FAM83H: variants seen among roughly 807,000 people sequenced by gnomAD.
FAM83H encodes the protein protein FAM83H.
In FAM83H, 24 loss-of-function variants were observed where a neutral mutation model predicts 30.2. The observed-to-expected ratio is 0.79, with a 90% confidence interval of 0.57 to 1.12. The LOEUF is 1.12. FAM83H is among the 50% of genes most tolerant of loss of function. FAM83H has a pLI of 0.00. For missense variants in FAM83H, 2,038 were observed against 1,773.9 expected (o/e 1.15, Z -2.67); for synonymous variants, 1,013 against 821.7 (o/e 1.23, Z -3.98).
Position 143,726,572 on chromosome 8 carries a change from G to T in FAM83H, c.2889C>A (p.Arg963=), listed in dbSNP as rs200670420. The T allele has an allele frequency of 1.8e-5, 29 of 1,603,350 alleles. 1 individual carries two copies. In the Middle Eastern group the frequency reaches 4.9e-4, roughly 27 times the overall value. ...EGPSGPMEVL[R]KGSLRLRQLL... The stretch of plus-strand genomic sequence containing the variant: ...GCTGCCTAAGACGCAAGGAGCCTTT[G>T]CGCAGGACTTCCATGGGGCCGCTCG... Residue 963 remains arginine (R), a synonymous_variant, in exon 5 of 5, where the codon CGC becomes CGA. Coordinates refer to ENST00000388913, the MANE Select transcript of FAM83H (RefSeq NM_198488.5).
At position 143,725,156 on chromosome 8, in the gene FAM83H, C is replaced by CGGGGGGGGGG. The variant is rs549881150; in HGVS notation, c.*755_*764dup. On this transcript the variant is annotated 3_prime_UTR_variant, in exon 5 of 5. Coordinates refer to ENST00000388913, the MANE Select transcript of FAM83H (RefSeq NM_198488.5). ...AAGCCCAGGCGGGGGAGGGGGGAGACGGGGGGGGGGGGGGGGGAGGGAAGG... is the reference window on the plus strand; with the variant it reads ...AAGCCCAGGCGGGGGAGGGGGGAGACGGGGGGGGGGGGGGGGGGGGGGGGGGGAGGGAAGG... 5.3e-4 allele frequency: 20 copies of CGGGGGGGGGG among 37,472 alleles called. No homozygotes were observed. The highest frequency in any genetic ancestry group is 2.9e-3 in the South Asian group (3 of 1,046). 2.3% of individuals were successfully genotyped at this position (37,472 alleles called of 1,614,324 possible).
rs1427828437 is a variant in FAM83H at position 143,727,318 on chromosome 8, C to A, written c.2143G>T (p.Val715Phe). The change falls in exon 5 of 5, where the codon GTC becomes TTC. Residue 715 changes from valine (V) to phenylalanine (F), a missense_variant. Coordinates refer to ENST00000388913, the MANE Select transcript of FAM83H (RefSeq NM_198488.5). ...CCGCCGGGCCCCAGCGTCTCGCTGA[C>A]CGTCTGCTCCTTGTGCAGCAGCTGC... ...KVQLLHKEQTVSETLGPGGEA... is the reference protein window; with the variant it reads ...KVQLLHKEQTFSETLGPGGEA... 3.9e-6 allele frequency: 6 copies of A among 1,551,120 alleles called. No homozygotes were observed. The Admixed American group carries it at 7.6e-5, about 20-fold the overall frequency.
Position 143,726,697 on chromosome 8 carries a change from G to A in FAM83H, c.2764C>T (p.Arg922Cys), listed in dbSNP as rs782361452. 3.7e-6 allele frequency: 6 copies of A among 1,602,904 alleles called. No homozygotes were observed. Among genetic ancestry groups the A allele is most frequent in the Non-Finnish European group, 5.1e-6 (6 of 1,177,352 alleles). Residue 922 changes from arginine to cysteine, a missense_variant, in exon 5 of 5, where the codon CGC becomes TGC. Physicochemically the swap from Arg to Cys is radical, Grantham distance 180. Coordinates refer to ENST00000388913, the MANE Select transcript of FAM83H (RefSeq NM_198488.5). ...ACGGGGGGCACCGGACTGCTCCTGC[G>A]CTCCGGCACGGGGGGCACCGGACTA... ...RGSPVPPVPE[R>C]RSSPVPPVPE...
In FAM83H at chr8:143,726,482, G is replaced by T; in HGVS notation, c.2979C>A (p.Asn993Lys). 1.2e-6 allele frequency: 2 copies of T among 1,604,518 alleles called. No individual in the cohort carries two copies. The highest frequency in any genetic ancestry group is 1.7e-6 in the Non-Finnish European group (2 of 1,178,924). ...GACGCCGCGGGCTCTCGGGTTGGCC[G>T]TTCTCCTGCGGCACTGGGAAGCCAC... is the stretch of plus-strand genomic sequence containing the variant. ...DEGGFPVPQE[N>K]GQPESPRRLS... is the part of the protein sequence containing the mutation. Residue 993 changes from asparagine to lysine, a missense_variant, in exon 5 of 5, where the codon AAC (asparagine) becomes AAA (lysine). By Grantham distance (94) the Asn-to-Lys change is moderately conservative. Transcript: ENST00000388913.
rs371718430 is a variant in FAM83H at position 143,727,567 on chromosome 8, C to G, written c.1894G>C (p.Val632Leu). 1.4e-5 allele frequency: 22 copies of G among 1,586,884 alleles called. No homozygotes were observed. Among genetic ancestry groups the G allele is most frequent in the Admixed American group, 1.7e-5 (1 of 58,946 alleles). The change falls in exon 5 of 5, where the codon GTC becomes CTC. Residue 632 changes from valine to leucine, a missense_variant. Transcript: ENST00000388913. Reference protein sequence around the residue: ...AGDLLPSAFRVPAAFPTKVPV... With the variant: ...AGDLLPSAFRLPAAFPTKVPV... The stretch of plus-strand genomic sequence containing the variant: ...ACCTTGGTGGGGAAGGCTGCTGGGA[C>G]GCGGAAGGCCGAGGGGAGCAGGTCG...
Position 143,728,023 on chromosome 8 carries a change from G to A in FAM83H, c.1438C>T (p.Arg480Cys), listed in dbSNP as rs782183035. ...QGLFEKLRGG[R>C]AGFADPDDFT... ...TCATCCGGGTCCGCGAAACCCGCGCGGCCCCCGCGAAGCTTCTCGAACAGG... is the reference window on the plus strand; with the variant it reads ...TCATCCGGGTCCGCGAAACCCGCGCAGCCCCCGCGAAGCTTCTCGAACAGG... The change falls in exon 5 of 5, where the codon CGC becomes TGC. Residue 480 changes from arginine to cysteine, a missense_variant. Transcript: ENST00000388913. The A allele has an allele frequency of 6.9e-6, 11 of 1,603,702 alleles. No homozygotes were observed. The highest frequency in any genetic ancestry group is 6.7e-5 in the East Asian group (3 of 44,752).
rs372449536 is a variant in FAM83H at position 143,726,841 on chromosome 8, C to G, written c.2620G>C (p.Ala874Pro). ...GGGCTCCCCTTCCGCTCAGGGTAAG[C>G]CGAGGTGGGGCTCCCTTTTGACTCA... ...HNESKGSPTS[A>P]YPERKGSPTP... Residue 874 changes from alanine to proline, a missense_variant, in exon 5 of 5, where the codon GCT becomes CCT. Coordinates refer to ENST00000388913, the MANE Select transcript of FAM83H (RefSeq NM_198488.5). The G allele has an allele frequency of 6.2e-7, 1 of 1,612,994 alleles. No homozygotes were observed. The highest frequency in any genetic ancestry group is 8.5e-7 in the Non-Finnish European group (1 of 1,179,946).
At position 143,727,926 on chromosome 8, in the gene FAM83H, G is replaced by T; in HGVS notation, c.1535C>A (p.Pro512Gln). 1.3e-6 allele frequency: 2 copies of T among 1,532,662 alleles called. No individual in the cohort carries two copies. Among genetic ancestry groups the T allele is most frequent in the Middle Eastern group, 2.3e-4 (1 of 4,328 alleles). The allele number at this position is 1,532,662 out of a possible 1,614,324, so 94.9% of individuals were successfully genotyped here. ...GCGCACCTCGCGGGACGCGCTGGAC[G>T]GCACGTAGTCCAGCCGCTGGTGCCC... ...PDGHQRLDYVPSSASREVRHG... is the reference protein window; with the variant it reads ...PDGHQRLDYVQSSASREVRHG... Residue 512 changes from proline to glutamine, a missense_variant, in exon 5 of 5, where the codon CCG (proline) becomes CAG (glutamine). Coordinates refer to ENST00000388913, the MANE Select transcript of FAM83H (RefSeq NM_198488.5).
rs891689707 is a variant in FAM83H at position 143,724,727 on chromosome 8, A to C, written c.*1194T>G. ...GGCCCCATACCTGTCAAGGATAAGC[A>C]CTCCACAACCAGCCCTTCTAGCGCC... On this transcript the variant is annotated 3_prime_UTR_variant, in exon 5 of 5. Transcript: ENST00000388913. The C allele has an allele frequency of 1.9e-4, 29 of 152,206 alleles. No homozygotes were observed. The highest frequency in any genetic ancestry group is 7.0e-4 in the African/African-American group (29 of 41,356). The allele number at this position is 152,206 out of a possible 1,614,324, so 9.4% of individuals were successfully genotyped here. A position where few individuals can be genotyped will look rare whatever the true frequency, so the allele number is the denominator to read the frequency against.
Position 143,727,812 on chromosome 8 carries a change from C to CA in FAM83H, c.1648dup (p.Cys550LeufsTer155). On this transcript the variant is annotated frameshift_variant, in exon 5 of 5. Transcript: ENST00000388913. LOFTEE classifies it low-confidence loss of function (END_TRUNC). ...TGGGCCCGGCCTCGCCGCGGCCTGGCATGGGAAGCGCTGGGTCAGGTTGGG... is the reference window on the plus strand; with the variant it reads ...TGGGCCCGGCCTCGCCGCGGCCTGGCAATGGGAAGCGCTGGGTCAGGTTGGG... 7.5e-7 allele frequency: 1 copy of CA among 1,335,628 alleles called. No homozygotes were observed. The highest frequency in any genetic ancestry group is 9.5e-7 in the Non-Finnish European group (1 of 1,052,364). The allele number at this position is 1,335,628 out of a possible 1,614,324, so 82.7% of individuals were successfully genotyped here.
rs1210261642 is a variant in FAM83H at position 143,727,277 on chromosome 8, G to A, written c.2184C>T (p.Ser728=). 5 of 1,535,844 alleles carry A rather than the reference G, an allele frequency of 3.3e-6. No individual in the cohort carries two copies. The African/African-American group carries it at 5.5e-5, about 17-fold the overall frequency. ...TLGPGGEAVR[S]AASTKVAELL... ...GCTCCGCCACCTTGGTGGAAGCCGC[G>A]GAGCGCACGGCCTCTCCGCCGGGCC... Residue 728 remains serine, a synonymous_variant, in exon 5 of 5, where the codon TCC becomes TCT. Coordinates refer to ENST00000388913, the MANE Select transcript of FAM83H (RefSeq NM_198488.5).
At chr8:143,730,115 C>A in intron 2 of FAM83H, 21 bp downstream of exon 2, 1 of 1,519,106 alleles carries the variant, frequency 6.6e-7, no homozygotes. Flanking sequence ...CCCCACTACC[C>A]TCAAGCCCAA....
intron 1 of FAM83H, chr8:143,731,759 T>C (rs929112560): frequency 2.1e-5 from 21 of 985,346 alleles, no homozygotes; most frequent in Non-Finnish European, 2.3e-5. Context: ...AGCAGGGACC[T>C]TTCCAGGTCC....
rs1818247168 is a variant in FAM83H at position 143,725,290 on chromosome 8, AC to A, written c.*630del. On this transcript the variant is annotated 3_prime_UTR_variant, in exon 5 of 5. Transcript: ENST00000388913. ...TGAGGAATTGAGGCACAGAGGCGAGACCCTTGCAAGAGGATAGGGGACTTAG... is the reference window on the plus strand; with the variant it reads ...TGAGGAATTGAGGCACAGAGGCGAGACCTTGCAAGAGGATAGGGGACTTAG... 1 of 153,578 alleles carries A rather than the reference AC, an allele frequency of 6.5e-6. No homozygotes were observed. The highest frequency in any genetic ancestry group is 2.4e-5 in the African/African-American group (1 of 41,064). The allele number at this position is 153,578 out of a possible 1,614,324, so 9.5% of individuals were successfully genotyped here.
At chr8:143,729,135 A>T (rs1818419517) in intron 3 of FAM83H, 24 bp downstream of exon 3, 2 of 1,613,488 alleles carry the variant, frequency 1.2e-6, no homozygotes. Context: ...GGTCCTCCCC[A>T]ATCTCCCACT....
chr8:143,730,307 C>G lies in FAM83H; in HGVS notation c.276G>C (p.Ser92=), dbSNP rs375358914. ...SLLDVDMDGS[S]GTYWPVNSDQ... Reference sequence around the variant, plus strand: ...CTGAGTTCACTGGCCAGTATGTACCCGAGGAGCCATCCATGTCCACGTCGA... The same window carrying G: ...CTGAGTTCACTGGCCAGTATGTACCGGAGGAGCCATCCATGTCCACGTCGA... Residue 92 remains serine (S), a synonymous_variant, in exon 2 of 5, where the codon TCG becomes TCC. Transcript: ENST00000388913. The G allele has an allele frequency of 3.7e-6, 6 of 1,613,456 alleles. No individual in the cohort carries two copies. In the South Asian group the frequency reaches 4.4e-5, roughly 12 times the overall value.
rs2129677044 is a variant in FAM83H, at chr8:143,728,385, G to A, written c.1076C>T (p.Pro359Leu). Residue 359 changes from proline to leucine, a missense_variant, in exon 5 of 5, where the codon CCG (proline) becomes CTG (leucine). By Grantham distance (98) the Pro-to-Leu change is moderately conservative. Transcript: ENST00000388913. Reference protein sequence around the residue: ...HFLSAFRREEPPRMPGGALEP... With the variant: ...HFLSAFRREELPRMPGGALEP... ...CAGCGCGCCCCCCGGCATCCGCGGCGGCTCCTCCCGGCGGAAGGCCGACAG... is the reference window on the plus strand; with the variant it reads ...CAGCGCGCCCCCCGGCATCCGCGGCAGCTCCTCCCGGCGGAAGGCCGACAG... 3 of 1,545,778 alleles carry A rather than the reference G, an allele frequency of 1.9e-6. No homozygotes were observed. The highest frequency in any genetic ancestry group is 2.0e-5 in the Admixed American group (1 of 50,828).
Position 143,733,485 on chromosome 8 carries a change from T to C in FAM83H, c.-16+206A>G, listed in dbSNP as rs1818605286. 1.3e-5 allele frequency among the ~76,000 whole-genome samples: 2 copies of C among 151,910 alleles called. No individual in the cohort carries two copies. Among genetic ancestry groups the C allele is most frequent in the South Asian group, 4.1e-4 (2 of 4,824 alleles). ...CGTCGTGCGGGGGCGCTCGCGTCCATATCCGCACAGCGGCGCCCCCTGTCC... is the reference window on the plus strand; with the variant it reads ...CGTCGTGCGGGGGCGCTCGCGTCCACATCCGCACAGCGGCGCCCCCTGTCC... On this transcript the variant is annotated intron_variant, in intron 1 of 4. Transcript: ENST00000388913. This position sits in a 1 kb window ranked among gnomAD's most constrained non-coding sequence, Gnocchi z 5.6.
intron 1 of FAM83H, chr8:143,731,464 C>G (rs1454984009): frequency 1.0e-6 from 1 of 985,310 alleles, no homozygotes; most frequent in Non-Finnish European, 1.2e-6. Flanking sequence ...CCGGGCCACA[C>G]CTCCTCCCCA....
Sources: allele counts gnomAD v4.1 joint callset (sites outside exome capture counted in the v4.1 genomes callset), GRCh38; gene constraint gnomAD v4.1.1; non-coding constraint Gnocchi (gnomAD v3.1); transcripts MANE v1.5; gene names NCBI Gene and HGNC (gene_info 2026-07-23, HGNC 2026-07-21).